AHI1: variants seen among roughly 807,000 people sequenced by gnomAD.
AHI1 encodes the protein Abelson helper integration site 1.
A neutral mutation model predicts 149.3 loss-of-function variants in AHI1; 123 were observed. The observed-to-expected ratio is 0.82, with a 90% confidence interval of 0.71 to 0.96. The LOEUF is 0.96. Ranked by LOEUF, AHI1 falls within the 40% of genes least tolerant of loss-of-function variation. The probability of loss-of-function intolerance (pLI) is 0.00; values close to 1 mark genes in which losing one functional copy is unlikely to be tolerated. For missense variants in AHI1, 1,439 were observed against 1,422.7 expected (o/e 1.01, Z -0.18); for synonymous variants, 475 against 459.8 (o/e 1.03, Z -0.42).
At chr6:135,473,757 T>TA (rs1792139090) in intron 5 of AHI1, among the ~76,000 whole-genome samples, 1 of 43,460 alleles carries the variant, frequency 2.3e-5, no homozygotes, top group African/African-American at 3.8e-5. Context: ...TTTTCTATTA[T>TA]AATTTTAAAA....
At chr6:135,327,308 GT>G (rs1275966812) in intron 24 of AHI1, among the ~76,000 whole-genome samples, 1 of 152,154 alleles carries the variant, frequency 6.6e-6, no homozygotes, top group Non-Finnish European at 1.5e-5. Context: ...TTACAGAACC[GT>G]TTTCCACACT....
intron 5 of AHI1, among the ~76,000 whole-genome samples, chr6:135,474,327 T>C (rs537608183): frequency 6.6e-6 from 1 of 152,184 alleles, no homozygotes; most frequent in African/African-American, 2.4e-5. Context: ...CCTGTAAAAA[T>C]TGCATTACCG....
rs1219238201 is a variant in AHI1 at position 135,327,442 on chromosome 6, C to A, written c.3166-4118G>T. On this transcript the variant is annotated intron_variant, in intron 24 of 28. Transcript: ENST00000265602. ...AAGCAAAGAAATTGGAGCATGTCAT[C>A]GTAATACCATTGTTGACATTCAAGT... 2.0e-5 allele frequency among the ~76,000 whole-genome samples: 3 copies of A among 152,310 alleles called. No individual in the cohort carries two copies. In the Middle Eastern group the frequency reaches 0.01, roughly 518 times the overall value.
chr6:135,415,331 T>G (rs1441494232), intron 20 of AHI1, among the ~76,000 whole-genome samples: 1 of 152,150 alleles, frequency 6.6e-6, no homozygotes, highest in Non-Finnish European at 1.5e-5. Flanking sequence ...ATATACCCAG[T>G]AATGGGATGG....
At chr6:135,495,317 G>C (rs1444900955) in intron 3 of AHI1, 1 of 152,132 alleles carries the variant, frequency 6.6e-6, no homozygotes, top group Non-Finnish European at 1.5e-5. Context: ...CCTTACCAGT[G>C]AGGTCCAAGG....
chr6:135,302,800 T>C (rs536166755), intron 26 of AHI1: 1 of 1,289,088 alleles, frequency 7.8e-7, no homozygotes, highest in East Asian at 5.6e-5. Flanking sequence ...CTCTGTGAGC[T>C]GTTTTGTTTT....
intron 23 of AHI1, among the ~76,000 whole-genome samples, chr6:135,372,979 G>C (rs892899010): frequency 6.6e-6 from 1 of 152,154 alleles, no homozygotes; most frequent in East Asian, 1.9e-4. Flanking sequence ...AATATTAACT[G>C]AATGAATCTA....
intron 24 of AHI1, among the ~76,000 whole-genome samples, chr6:135,352,494 C>T (rs1449820372): frequency 6.6e-6 from 1 of 152,080 alleles, no homozygotes; most frequent in Non-Finnish European, 1.5e-5. Context: ...TCTAAACAGC[C>T]TTCCTAAACC....
chr6:135,428,506 A>C, intron 19 of AHI1, 123 bp downstream of exon 19: 1 of 1,202,328 alleles, frequency 8.3e-7, no homozygotes, highest in Non-Finnish European at 1.1e-6. Context: ...ATCTTAAAAA[A>C]CATAATTGAA....
chr6:135,356,257 C>T (rs1271278658), intron 24 of AHI1, among the ~76,000 whole-genome samples: 1 of 152,144 alleles, frequency 6.6e-6, no homozygotes, highest in Non-Finnish European at 1.5e-5. Context: ...TTTGGGGCTA[C>T]AAATATTCCA....
chr6:135,490,969 A>G (rs1258315481), intron 4 of AHI1, among the ~76,000 whole-genome samples: 1 of 152,116 alleles, frequency 6.6e-6, no homozygotes, highest in African/African-American at 2.4e-5. Context: ...ACTCACTCTA[A>G]AAGTCTCCTT....
At chr6:135,456,830 C>T (rs1238220670) in intron 9 of AHI1, among the ~76,000 whole-genome samples, 1 of 152,126 alleles carries the variant, frequency 6.6e-6, no homozygotes, top group African/African-American at 2.4e-5. Flanking sequence ...ATTTACCTTA[C>T]CTGAAGCCCA....
rs1176098856 is a variant in AHI1, at chr6:135,492,251, G to A, written c.-14C>T. The A allele has an allele frequency of 2.0e-6, 3 of 1,537,354 alleles. No individual in the cohort carries two copies. The South Asian group carries it at 3.7e-5, about 19-fold the overall frequency. On this transcript the variant is annotated 5_prime_UTR_variant, in exon 4 of 29. Coordinates refer to ENST00000265602, the MANE Select transcript of AHI1 (RefSeq NM_001134831.2). ...ACCTGTAGGCATCTCTCAGCTTTATGCAGAGGACTGAGAATGCAAAGCATT... is the reference window on the plus strand; with the variant it reads ...ACCTGTAGGCATCTCTCAGCTTTATACAGAGGACTGAGAATGCAAAGCATT...
chr6:135,494,387 G>GT (rs144725017), intron 3 of AHI1, among the ~76,000 whole-genome samples: 640 of 152,284 alleles, frequency 4.2e-3, no homozygotes, highest in Non-Finnish European at 5.7e-3. Flanking sequence ...GTTGAGTTGG[G>GT]TATCTGAAGG....
rs1562659484 is a variant in AHI1 at position 135,394,825 on chromosome 6, G to A, written c.3060C>T (p.Asn1020=). 1.2e-6 allele frequency: 2 copies of A among 1,608,844 alleles called. No individual in the cohort carries two copies. The highest frequency in any genetic ancestry group is 1.7e-6 in the Non-Finnish European group (2 of 1,177,304). Residue 1020 remains asparagine (N), a synonymous_variant, in exon 23 of 29, where the codon AAC becomes AAT. Transcript: ENST00000265602. ...GTAGAATCTCTTGAGCGGTCAGCAT[G>A]TTTGACTGCTTTAACTTAGACTGTT... ...SSQQSKLKQS[N]MLTAQEILHQ...
Position 135,460,060 on chromosome 6 carries a change from G to A in AHI1, c.932-2347C>T, listed in dbSNP as rs539947389. Among the ~76,000 whole-genome samples, 4 of 152,216 alleles carry A rather than the reference G, an allele frequency of 2.6e-5. No homozygotes were observed. The South Asian group carries it at 8.3e-4, about 32-fold the overall frequency. On this transcript the variant is annotated intron_variant, in intron 8 of 28. Coordinates refer to ENST00000265602, the MANE Select transcript of AHI1 (RefSeq NM_001134831.2). ...TAGCCAAGAATGGTGGTGCATGCCT[G>A]TAGTCCCAGCTACTTGGAAGACTGA...
intron 24 of AHI1, among the ~76,000 whole-genome samples, chr6:135,352,811 G>GTT (rs61347819): frequency 3.8e-5 from 5 of 132,168 alleles, no homozygotes; most frequent in Middle Eastern, 3.6e-3. Flanking sequence ...TGTTTTGTGG[G>GTT]TTTTTTTTTT....
At position 135,414,649 on chromosome 6, in the gene AHI1, G is replaced by A. The variant is rs550078101; in HGVS notation, c.2765-3105C>T. On this transcript the variant is annotated intron_variant, in intron 20 of 28. Coordinates refer to ENST00000265602, the MANE Select transcript of AHI1 (RefSeq NM_001134831.2). Reference sequence around the variant, plus strand: ...AGATTTGAAAAGACAATTTACTGAAGAAGCTATATGGATGACAAATAAGCA... The same window carrying A: ...AGATTTGAAAAGACAATTTACTGAAAAAGCTATATGGATGACAAATAAGCA... 1.6e-4 allele frequency among the ~76,000 whole-genome samples: 25 copies of A among 152,096 alleles called. 1 individual carries two copies. In the South Asian group the frequency reaches 5.0e-3, roughly 30 times the overall value.
chr6:135,463,118 A>G lies in AHI1; in HGVS notation c.931+7T>C. On this transcript the variant is annotated splice_region_variant and intron_variant, in intron 8 of 28. Transcript: ENST00000265602. ...ACACAATTTTTCATTTAATTTGTAT[A>G]GCAAACCTGCTTTAGTCTTCTTTTT... 1 of 1,568,246 alleles carries G rather than the reference A, an allele frequency of 6.4e-7. No individual in the cohort carries two copies. The highest frequency in any genetic ancestry group is 2.3e-5 in the East Asian group (1 of 44,366).
Sources: gnomAD v4.1 joint callset for allele counts (sites outside exome capture counted in the v4.1 genomes callset) on GRCh38, gnomAD v4.1.1 for gene constraint, MANE v1.5 for transcripts, NCBI Gene and HGNC (gene_info 2026-07-23, HGNC 2026-07-21) for gene names.